SUZ12: variants seen among roughly 807,000 people sequenced by gnomAD.
SUZ12 encodes the protein SUZ12 polycomb repressive complex 2 subunit.
SUZ12 carries 17 observed loss-of-function variants against 87.3 expected under a neutral mutation model. The ratio of observed to expected loss-of-function variants is 0.19; its 90% CI spans 0.13 to 0.29. The LOEUF is 0.29. Ranked by LOEUF, SUZ12 falls within the 10% of genes least tolerant of loss-of-function variation. The probability of loss-of-function intolerance (pLI) is 1.00; values close to 1 mark genes in which losing one functional copy is unlikely to be tolerated. For synonymous variants in SUZ12, 253 were observed against 312.4 expected, an observed-to-expected ratio of 0.81 and a Z score of 2.01; for missense variants, 526 against 912.2, an observed-to-expected ratio of 0.58 and a Z score of 5.45.
At chr17:31,987,161 T>C (rs1213098517) in intron 9 of SUZ12, among the ~76,000 whole-genome samples, 1 of 152,156 alleles carries the variant, frequency 6.6e-6, no homozygotes, top group African/African-American at 2.4e-5. Context: ...GAGTCAAATA[T>C]AATTCCAAAA....
chr17:31,937,371 G>T lies in SUZ12; in HGVS notation c.125G>T (p.Gly42Val). ...AAATASGGKS[G>V]GGSCGGGGSY... is the part of the protein sequence containing the mutation. Reference sequence around the variant, plus strand: ...GCGACGGCTTCGGGCGGCAAATCCGGCGGCGGGAGCTGTGGAGGGGGTGGC... The same window carrying T: ...GCGACGGCTTCGGGCGGCAAATCCGTCGGCGGGAGCTGTGGAGGGGGTGGC... The change falls in exon 1 of 16, where the codon GGC becomes GTC. Residue 42 changes from glycine to valine, a missense_variant. Around this residue, in one of 9 missense-constraint regions of SUZ12, gnomAD observed 92 missense variants for 109.9 expected, o/e 0.84. Transcript: ENST00000322652. 6.7e-7 allele frequency: 1 copy of T among 1,503,710 alleles called. No individual in the cohort carries two copies. The allele number at this position is 1,503,710 out of a possible 1,614,324, so 93.1% of individuals were successfully genotyped here. A position where few individuals can be genotyped will look rare whatever the true frequency, so the allele number is the denominator to read the frequency against.
At chr17:31,950,656 C>A (rs1411376274) in intron 4 of SUZ12, among the ~76,000 whole-genome samples, 2 of 152,244 alleles carry the variant, frequency 1.3e-5, no homozygotes, top group South Asian at 2.1e-4. Flanking sequence ...TGCACTCCAG[C>A]CTGGGCAAGA....
At chr17:31,944,838 C>G (rs1163292817) in intron 3 of SUZ12, among the ~76,000 whole-genome samples, 2 of 151,974 alleles carry the variant, frequency 1.3e-5, no homozygotes, top group East Asian at 3.9e-4. Flanking sequence ...ATCAAGTGAA[C>G]AAGTTTACAT....
chr17:31,994,249 T>C (rs971462678), intron 12 of SUZ12: 2 of 455,590 alleles, frequency 4.4e-6, no homozygotes, highest in Non-Finnish European at 7.6e-6. Context: ...TATTTGGAAT[T>C]ATAATTAATG....
At chr17:31,996,955 C>G in intron 15 of SUZ12, 78 bp downstream of exon 15, 2 of 872,224 alleles carry the variant, frequency 2.3e-6, no homozygotes, top group South Asian at 6.2e-5. Context: ...AGAAATCTTA[C>G]GTGTGTTAGA....
intron 5 of SUZ12, among the ~76,000 whole-genome samples, chr17:31,969,565 G>C (rs1416355428): frequency 1.3e-5 from 2 of 152,190 alleles, no homozygotes; most frequent in Non-Finnish European, 2.9e-5. Context: ...AAAGTGCTAG[G>C]ATTATAGGCG....
intron 1 of SUZ12, among the ~76,000 whole-genome samples, chr17:31,939,418 C>A (rs1054632617): frequency 1.3e-5 from 2 of 151,622 alleles, no homozygotes; most frequent in African/African-American, 4.8e-5. Flanking sequence ...AAAAAAAAAT[C>A]TTGACTGACT....
At chr17:31,954,033 G>A (rs1347108760) in intron 4 of SUZ12, among the ~76,000 whole-genome samples, 8 of 151,244 alleles carry the variant, frequency 5.3e-5, no homozygotes. Flanking sequence ...TTAGTAGGTT[G>A]ATAAGTCAGT....
intron 2 of SUZ12, 33 bp downstream of exon 2, chr17:31,940,365 T>A (rs564482642): frequency 2.5e-6 from 4 of 1,602,038 alleles, no homozygotes; most frequent in Non-Finnish European, 3.4e-6. Flanking sequence ...CAATATTATT[T>A]CTCTCTTATA....
chr17:31,991,140 GA>G (rs1909700982), intron 10 of SUZ12, among the ~76,000 whole-genome samples: 1 of 152,236 alleles, frequency 6.6e-6, no homozygotes. Context: ...AAAGAAGGCA[GA>G]AGGCGTAAGT....
At position 31,995,530 on chromosome 17, in the gene SUZ12, A is replaced by G. The variant is rs143922269; in HGVS notation, c.1596-34A>G. ...GTGAGGTTAGATGGTATACATGTAGAGGCCATAAATCAACATTTATTTCTT... is the reference window on the plus strand; with the variant it reads ...GTGAGGTTAGATGGTATACATGTAGGGGCCATAAATCAACATTTATTTCTT... On this transcript the variant is annotated intron_variant, in intron 13 of 15. Transcript: ENST00000322652. 14 of 1,578,448 alleles carry G rather than the reference A, an allele frequency of 8.9e-6. No individual in the cohort carries two copies. In the East Asian group the frequency reaches 2.9e-4, roughly 33 times the overall value.
chr17:31,988,595 T>TAC, intron 10 of SUZ12, 98 bp downstream of exon 10: 1 of 1,257,100 alleles, frequency 8.0e-7, no homozygotes, highest in African/African-American at 1.6e-5. Flanking sequence ...TATGTGATTC[T>TAC]TCTTTTTTTT....
chr17:31,961,476 G>A (rs913577327), intron 4 of SUZ12, among the ~76,000 whole-genome samples: 1 of 151,914 alleles, frequency 6.6e-6, no homozygotes, highest in African/African-American at 2.4e-5. Flanking sequence ...AACCCAGGTG[G>A]GAGGTTGTGG....
At chr17:31,997,569 A>G (rs1379761077) in intron 15 of SUZ12, among the ~76,000 whole-genome samples, 1 of 151,402 alleles carries the variant, frequency 6.6e-6, no homozygotes, top group Admixed American at 6.6e-5. Context: ...AGGCTGAGGC[A>G]CTATAATCAC....
At chr17:31,967,323 G>C (rs1908155415) in intron 5 of SUZ12, 2 of 151,944 alleles carry the variant, frequency 1.3e-5, no homozygotes, top group South Asian at 2.1e-4. Flanking sequence ...TGGTTGTCTT[G>C]GTATCGTTTA....
At chr17:31,957,759 T>C (rs919423554) in intron 4 of SUZ12, among the ~76,000 whole-genome samples, 3 of 151,648 alleles carry the variant, frequency 2.0e-5, no homozygotes, top group Admixed American at 2.0e-4. Flanking sequence ...TTGGCCAGGC[T>C]GGCCTCGAAT....
chr17:31,977,594 TAAAA>T (rs869172455), intron 8 of SUZ12, among the ~76,000 whole-genome samples: 1 of 151,666 alleles, frequency 6.6e-6, no homozygotes, highest in African/African-American at 2.4e-5. Context: ...CCATCTTTTT[TAAAA>T]AAAGAAAGAA....
In SUZ12 at chr17:31,984,852, T is replaced by C. The variant is rs146922205; in HGVS notation, c.1023+1748T>C. On this transcript the variant is annotated intron_variant, in intron 9 of 15. Coordinates refer to ENST00000322652, the MANE Select transcript of SUZ12 (RefSeq NM_015355.4). Reference sequence around the variant, plus strand: ...AGGACACATATACTCTCAAATAATATTTTGATGTAACAGTAAGTTGGGGCC... The same window carrying C: ...AGGACACATATACTCTCAAATAATACTTTGATGTAACAGTAAGTTGGGGCC... 1.3e-3 allele frequency among the ~76,000 whole-genome samples: 199 copies of C among 152,250 alleles called. 1 individual carries two copies. The highest frequency in any genetic ancestry group is 4.4e-3 in the African/African-American group (182 of 41,562).
At chr17:31,998,631 T>C (rs1910107471) in intron 15 of SUZ12, 27 bp from the exon 16 acceptor site, 2 of 1,487,726 alleles carry the variant, frequency 1.3e-6, no homozygotes, top group Non-Finnish European at 1.8e-6. Context: ...TTTGTATTGC[T>C]ATTCATATTC....
Sources: gnomAD v4.1 joint callset for allele counts (sites outside exome capture counted in the v4.1 genomes callset) on GRCh38, gnomAD v4.1.1 for gene constraint, gnomAD v4.1.1 regional missense constraint, MANE v1.5 for transcripts, NCBI Gene and HGNC (gene_info 2026-07-23, HGNC 2026-07-21) for gene names.